The following CSMD1 variants were observed in gnomAD, a reference collection of about 807,000 sequenced individuals.
CSMD1 encodes CUB and Sushi multiple domains 1.
In CSMD1, 213 loss-of-function variants were observed where a neutral mutation model predicts 417.5. That is an observed-to-expected ratio of 0.51 (90% confidence interval 0.46 to 0.57). The LOEUF is 0.57. CSMD1 is among the 20% of genes least tolerant of loss of function. The pLI is 0.00. For missense variants in CSMD1, 6,923 were observed against 4,529.7 expected (o/e 1.53, Z -15.17); for synonymous variants, 2,862 against 1,736.8 (o/e 1.65, Z -16.11).
intron 5 of CSMD1, among the ~76,000 whole-genome samples, chr8:3,979,593 C>A (rs182054348): frequency 2.5e-4 from 38 of 152,210 alleles, no homozygotes; most frequent in Admixed American, 4.6e-4. Context: ...CATGAGGATG[C>A]GGCCAACATG....
chr8:3,377,049 T>C (rs1232064495), intron 18 of CSMD1, among the ~76,000 whole-genome samples: 1 of 152,198 alleles, frequency 6.6e-6, no homozygotes, highest in Non-Finnish European at 1.5e-5. Flanking sequence ...TGCTCTATTG[T>C]CCAGGCTGTA....
At chr8:3,922,088 T>C (rs1001744982) in intron 5 of CSMD1, among the ~76,000 whole-genome samples, 3 of 152,160 alleles carry the variant, frequency 2.0e-5, no homozygotes, top group Admixed American at 2.0e-4. Flanking sequence ...TATAATTTTA[T>C]ATAGTTTTCA....
chr8:3,905,984 C>G (rs1808083076), intron 5 of CSMD1, among the ~76,000 whole-genome samples: 1 of 152,118 alleles, frequency 6.6e-6, no homozygotes, highest in Non-Finnish European at 1.5e-5. Context: ...TGTTCTTTTA[C>G]CAGATGGTTG....
At chr8:3,620,255 T>C (rs1415885992) in intron 7 of CSMD1, among the ~76,000 whole-genome samples, 1 of 152,308 alleles carries the variant, frequency 6.6e-6, no homozygotes, top group East Asian at 1.9e-4. Context: ...AGAGTGAGTT[T>C]ATTACCAATG....
chr8:3,464,669 A>G (rs558100662), intron 12 of CSMD1, among the ~76,000 whole-genome samples: 2 of 151,222 alleles, frequency 1.3e-5, no homozygotes, highest in Non-Finnish European at 2.9e-5. Context: ...TATAAATTGT[A>G]TATGTAAAAT....
intron 10 of CSMD1, among the ~76,000 whole-genome samples, chr8:3,538,161 A>G (rs1798280921): frequency 6.6e-6 from 1 of 152,174 alleles, no homozygotes; most frequent in African/African-American, 2.4e-5. Flanking sequence ...CTTTACTTGA[A>G]AAATTACATG....
chr8:3,587,597 C>G (rs1416237586), intron 8 of CSMD1, among the ~76,000 whole-genome samples: 1 of 152,070 alleles, frequency 6.6e-6, no homozygotes, highest in Admixed American at 6.5e-5. Flanking sequence ...AACATCGCAC[C>G]AGCATCCCCC....
At chr8:3,649,600 G>C (rs1377705522) in intron 7 of CSMD1, among the ~76,000 whole-genome samples, 1 of 151,804 alleles carries the variant, frequency 6.6e-6, no homozygotes, top group African/African-American at 2.4e-5. Context: ...AAAACCAGTA[G>C]ATCTTATGAG....
chr8:3,387,251 C>T (rs1811059090), intron 18 of CSMD1, among the ~76,000 whole-genome samples: 1 of 152,202 alleles, frequency 6.6e-6, no homozygotes, highest in African/African-American at 2.4e-5. Flanking sequence ...CAGAACTAAG[C>T]TCCCTAAGTT....
intron 2 of CSMD1, among the ~76,000 whole-genome samples, chr8:4,617,198 A>G (rs551051792): frequency 2.7e-4 from 41 of 152,296 alleles, no homozygotes; most frequent in African/African-American, 9.6e-4. Context: ...TAATCAAATT[A>G]GTTTTTGCAA....
intron 5 of CSMD1, among the ~76,000 whole-genome samples, chr8:3,949,265 A>G (rs1165077885): frequency 6.6e-6 from 1 of 152,154 alleles, no homozygotes; most frequent in Non-Finnish European, 1.5e-5. Context: ...GTTATCAACT[A>G]CAGCTATCAT....
intron 10 of CSMD1, among the ~76,000 whole-genome samples, chr8:3,560,444 G>A (rs1293993264): frequency 6.6e-6 from 1 of 152,072 alleles, no homozygotes; most frequent in East Asian, 1.9e-4. Flanking sequence ...AGTCAAGATG[G>A]GATCCCAGGT....
intron 5 of CSMD1, among the ~76,000 whole-genome samples, chr8:3,754,864 G>A (rs936823302): frequency 6.6e-6 from 1 of 152,300 alleles, no homozygotes; most frequent in Admixed American, 6.5e-5. Context: ...AAGAACCTGG[G>A]CCTTTCCTAC....
intron 8 of CSMD1, among the ~76,000 whole-genome samples, chr8:3,588,301 A>G (rs1343547376): frequency 2.7e-5 from 4 of 146,154 alleles, no homozygotes; most frequent in Non-Finnish European, 3.0e-5. Flanking sequence ...AAAGAAAAAA[A>G]TAACCAAACC....
intron 3 of CSMD1, among the ~76,000 whole-genome samples, chr8:4,295,048 A>G (rs775232465): frequency 4.7e-5 from 7 of 148,106 alleles, no homozygotes; most frequent in Non-Finnish European, 1.0e-4. Flanking sequence ...TGTATATATT[A>G]TACACATATA....
chr8:3,763,414 T>G (rs1440115654), intron 5 of CSMD1, among the ~76,000 whole-genome samples: 5 of 152,016 alleles, frequency 3.3e-5, no homozygotes. Context: ...TCACTCTTAG[T>G]TTACTCCAGA....
At chr8:4,219,999 G>C (rs1295570939) in intron 3 of CSMD1, among the ~76,000 whole-genome samples, 3 of 152,022 alleles carry the variant, frequency 2.0e-5, no homozygotes, top group Non-Finnish European at 2.9e-5. Context: ...ACCCAGGCTG[G>C]AGTGCAGTGG....
intron 3 of CSMD1, among the ~76,000 whole-genome samples, chr8:4,124,390 G>A (rs1161652693): frequency 8.1e-6 from 1 of 122,710 alleles, no homozygotes; most frequent in African/African-American, 3.1e-5. Flanking sequence ...TCAAAAAGGA[G>A]ACAGGGGATT....
At chr8:4,399,370 A>T (rs1804490940) in intron 3 of CSMD1, among the ~76,000 whole-genome samples, 1 of 152,226 alleles carries the variant, frequency 6.6e-6, no homozygotes, top group African/African-American at 2.4e-5. Flanking sequence ...AGAATAAAAT[A>T]ATTAGAATAG....
Sources: gnomAD v4.1 joint callset for allele counts (sites outside exome capture counted in the v4.1 genomes callset) on GRCh38, gnomAD v4.1.1 for gene constraint, MANE v1.5 for transcripts, NCBI Gene and HGNC (gene_info 2026-07-23, HGNC 2026-07-21) for gene names.